Variants in BSN observed in about 807,000 individuals in gnomAD.
The protein encoded by BSN is bassoon presynaptic cytomatrix protein, also known as protein bassoon.
Under a neutral mutation model 264.8 loss-of-function variants are expected in BSN, and 57 were observed. The ratio of observed to expected loss-of-function variants is 0.22; its 90% CI spans 0.17 to 0.27. BSN has a LOEUF of 0.27. BSN is among the 10% of genes least tolerant of loss of function. BSN has a pLI of 1.00. For missense variants in BSN, 4,615 were observed against 5,232.5 expected (o/e 0.88, Z 3.64); for synonymous variants, 2,059 against 2,137.3 (o/e 0.96, Z 1.01).
intron 3 of BSN, among the ~76,000 whole-genome samples, chr3:49,649,363 C>T (rs1034739978): frequency 6.6e-6 from 1 of 152,220 alleles, no homozygotes; most frequent in Non-Finnish European, 1.5e-5. Flanking sequence ...GAGTGAGTTC[C>T]CTGCAGGACG....
Position 49,554,654 on chromosome 3 carries a change from C to T in BSN, c.52C>T (p.Pro18Ser). The T allele has an allele frequency of 2.0e-6, 2 of 986,996 alleles. No individual in the cohort carries two copies. Among genetic ancestry groups the T allele is most frequent in the Non-Finnish European group, 2.4e-6 (2 of 832,350 alleles). The allele number at this position is 986,996 out of a possible 1,614,324, so 61.1% of individuals were successfully genotyped here. ...EGGAGDGPLP[P>S]GGAGPGPGPG... ...CGGCGCTGGCGACGGGCCGCTGCCG[C>T]CCGGCGGCGCCGGCCCCGGCCCGGG... is the stretch of plus-strand genomic sequence containing the variant. Residue 18 changes from proline to serine, a missense_variant, in exon 1 of 12, where the codon CCC becomes TCC. Pro to Ser is a moderately conservative substitution (Grantham distance 74). This residue lies in a region of BSN where 1,197 missense variants were observed against 1,348.0 expected (regional missense o/e 0.89). Transcript: ENST00000296452.
Position 49,601,128 on chromosome 3 carries a change from C to G in BSN, c.225-23847C>G, listed in dbSNP as rs531739564. On this transcript the variant is annotated intron_variant, in intron 1 of 11. Transcript: ENST00000296452. The stretch of plus-strand genomic sequence containing the variant: ...ATGGTCAGTGGCCAGTGGTAGATAT[C>G]AGCTCTCTCAGAGAAACCCCTCTAG... Among the ~76,000 whole-genome samples the G allele has an allele frequency of 5.9e-5, 9 of 152,208 alleles. No individual in the cohort carries two copies. The South Asian group carries it at 1.9e-3, about 31-fold the overall frequency.
chr3:49,600,441 G>C (rs1322358459), intron 1 of BSN, among the ~76,000 whole-genome samples: 1 of 152,148 alleles, frequency 6.6e-6, no homozygotes, highest in Non-Finnish European at 1.5e-5. Context: ...CAAGGGCTTG[G>C]AATGTCAGGC....
chr3:49,574,246 G>A (rs1357252078), intron 1 of BSN, among the ~76,000 whole-genome samples: 1 of 150,584 alleles, frequency 6.6e-6, no homozygotes, highest in African/African-American at 2.4e-5. Flanking sequence ...GGGATTATAG[G>A]CGTGAGCCAC....
At chr3:49,637,180 G>T (rs1403339104) in intron 2 of BSN, among the ~76,000 whole-genome samples, 1 of 152,232 alleles carries the variant, frequency 6.6e-6, no homozygotes, top group Admixed American at 6.5e-5. Context: ...CTCCCTGGTA[G>T]GGCTGGGGCT....
chr3:49,664,952 G>A (rs769148755), intron 10 of BSN, 99 bp downstream of exon 10: 257 of 909,840 alleles, frequency 2.8e-4, no homozygotes, highest in Non-Finnish European at 4.2e-4. Context: ...TCTGGGAGGA[G>A]TCCAGTCTTC....
rs1245526615 is a variant in BSN at position 49,663,233 on chromosome 3, C to T, written c.11075C>T (p.Pro3692Leu). The change falls in exon 7 of 12, where the codon CCG becomes CTG. Residue 3692 changes from proline (P) to leucine (L), a missense_variant. Coordinates refer to ENST00000296452, the MANE Select transcript of BSN (RefSeq NM_003458.4). Reference sequence around the variant, plus strand: ...CAGCCCAGCTCTGCTCCAGCTATGCCGAAGAAGGGTCAGCCTGGGTATCCC... The same window carrying T: ...CAGCCCAGCTCTGCTCCAGCTATGCTGAAGAAGGGTCAGCCTGGGTATCCC... ...HSQPSSAPAM[P>L]KKGQPGYPSS... 1.1e-5 allele frequency: 17 copies of T among 1,613,990 alleles called. No individual in the cohort carries two copies. The highest frequency in any genetic ancestry group is 1.3e-5 in the African/African-American group (1 of 74,954).
intron 2 of BSN, among the ~76,000 whole-genome samples, chr3:49,635,275 G>T (rs1382935185): frequency 6.6e-6 from 1 of 152,162 alleles, no homozygotes; most frequent in African/African-American, 2.4e-5. Flanking sequence ...CAGGATCTGG[G>T]CTCCCCAGCA....
At chr3:49,658,266 G>A in intron 5 of BSN, 70 bp downstream of exon 5, 1 of 1,470,104 alleles carries the variant, frequency 6.8e-7, no homozygotes, top group Admixed American at 2.5e-5. Context: ...CCCACAGGGA[G>A]GGGCTTCTTC....
In BSN at chr3:49,654,458, C is replaced by T. The variant is rs1231809306; in HGVS notation, c.4902C>T (p.Ala1634=). Reference sequence around the variant, plus strand: ...CCCTGGCACTATATGGCTGGGGTGCCCTCCCTGCTGAGAACATCTCCCTGT... The same window carrying T: ...CCCTGGCACTATATGGCTGGGGTGCTCTCCCTGCTGAGAACATCTCCCTGT... ...DGPLALYGWG[A]LPAENISLCR... is the part of the protein sequence containing the mutation. The change falls in exon 5 of 12, where the codon GCC becomes GCT. Residue 1634 remains alanine, a synonymous_variant. Coordinates refer to ENST00000296452, the MANE Select transcript of BSN (RefSeq NM_003458.4). The surrounding 1 kb of genome is among the most constrained non-coding windows in gnomAD (Gnocchi z 4.1). 5.6e-6 allele frequency: 9 copies of T among 1,605,948 alleles called. No individual in the cohort carries two copies. The Admixed American group carries it at 6.7e-5, about 12-fold the overall frequency.
intron 1 of BSN, among the ~76,000 whole-genome samples, chr3:49,605,462 TATATATAATATATA>T (rs2052111377): frequency 1.6e-3 from 15 of 9,102 alleles, no homozygotes; most frequent in African/African-American, 7.3e-3. Context: ...TAATATATAT[TATATATAATATATA>T]TTATATAATA....
At position 49,580,687 on chromosome 3, in the gene BSN, G is replaced by C. The variant is rs546361385; in HGVS notation, c.224+25861G>C. ...TAGTCTAGACTGGTCTCGAGCTACT[G>C]TACTCAAGCAATCCTCCTGCCTCTG... On this transcript the variant is annotated intron_variant, in intron 1 of 11. Transcript: ENST00000296452. Among the ~76,000 whole-genome samples the C allele has an allele frequency of 2.6e-5, 4 of 152,284 alleles. 1 individual carries two copies. Among genetic ancestry groups the C allele is most frequent in the African/African-American group, 9.6e-5 (4 of 41,540 alleles).
Position 49,554,683 on chromosome 3 carries a change from C to A in BSN, c.81C>A (p.Pro27=). 1 of 1,046,620 alleles carries A rather than the reference C, an allele frequency of 9.6e-7. No individual in the cohort carries two copies. The highest frequency in any genetic ancestry group is 1.2e-6 in the Non-Finnish European group (1 of 868,660). 64.8% of individuals were successfully genotyped at this position (1,046,620 alleles called of 1,614,324 possible). A position where few individuals can be genotyped will look rare whatever the true frequency, so the allele number is the denominator to read the frequency against. ...GCGGCGCCGGCCCCGGCCCGGGCCCCGGCCCCGGCCCCGGCGCAGGAAAGC... is the reference window on the plus strand; with the variant it reads ...GCGGCGCCGGCCCCGGCCCGGGCCCAGGCCCCGGCCCCGGCGCAGGAAAGC... The part of the protein sequence containing the change: ...PPGGAGPGPG[P]GPGPGAGKPP... Residue 27 remains proline (P), a synonymous_variant, in exon 1 of 12, where the codon CCC becomes CCA. Coordinates refer to ENST00000296452, the MANE Select transcript of BSN (RefSeq NM_003458.4).
At chr3:49,631,790 T>G (rs948876387) in intron 2 of BSN, among the ~76,000 whole-genome samples, 1 of 152,078 alleles carries the variant, frequency 6.6e-6, no homozygotes, top group African/African-American at 2.4e-5. Flanking sequence ...CTCCCAAGGT[T>G]TGGGAAGGTG....
At chr3:49,594,393 A>G (rs1231973301) in intron 1 of BSN, among the ~76,000 whole-genome samples, 2 of 152,218 alleles carry the variant, frequency 1.3e-5, no homozygotes, top group African/African-American at 4.8e-5. Context: ...ACAAATATGG[A>G]TATCCAGTTG....
At chr3:49,555,268 A>G (rs1478296542) in intron 1 of BSN, among the ~76,000 whole-genome samples, 3 of 152,206 alleles carry the variant, frequency 2.0e-5, no homozygotes, top group African/African-American at 7.2e-5. Context: ...GATAAGTGTC[A>G]CTGCGAGGAA....
At chr3:49,560,920 C>T (rs1354863379) in intron 1 of BSN, among the ~76,000 whole-genome samples, 2 of 152,216 alleles carry the variant, frequency 1.3e-5, no homozygotes, top group African/African-American at 2.4e-5. Flanking sequence ...TTCTGGTCAG[C>T]TCTGCTGTGG....
At chr3:49,589,087 T>TTTTTTTA (rs1559599104) in intron 1 of BSN, among the ~76,000 whole-genome samples, 36 of 148,720 alleles carry the variant, frequency 2.4e-4, no homozygotes, top group Non-Finnish European at 5.1e-4. Context: ...GCTAAATTTT[T>TTTTTTTA]TTTTTTTTTG....
intron 1 of BSN, among the ~76,000 whole-genome samples, chr3:49,610,584 C>CAAAA (rs60726552): frequency 0.027 from 1,921 of 70,554 alleles, 173 homozygotes; most frequent in Non-Finnish European, 0.033. Flanking sequence ...AATTTCATCT[C>CAAAA]AAAAAAAAAA....
Sources: allele counts gnomAD v4.1 joint callset (sites outside exome capture counted in the v4.1 genomes callset), GRCh38; gene constraint gnomAD v4.1.1; regional missense constraint gnomAD v4.1.1; non-coding constraint Gnocchi (gnomAD v3.1); transcripts MANE v1.5; gene names NCBI Gene and HGNC (gene_info 2026-07-23, HGNC 2026-07-21).